The following NDST3 variants were observed in gnomAD, a reference collection of about 807,000 sequenced individuals.
NDST3 encodes bifunctional heparan sulfate N-deacetylase/N-sulfotransferase 3.
NDST3 carries 58 observed loss-of-function variants against 96.1 expected under a neutral mutation model. That is an observed-to-expected ratio of 0.60 (90% confidence interval 0.49 to 0.75). The LOEUF is 0.75. Among genes scored for constraint, NDST3 ranks in the 30% least tolerant of loss-of-function variants. The probability of loss-of-function intolerance (pLI) is 0.00; values close to 1 mark genes in which losing one functional copy is unlikely to be tolerated. For missense variants in NDST3, 788 were observed against 1,034.2 expected (o/e 0.76, Z 3.27); for synonymous variants, 333 against 359.7 (o/e 0.93, Z 0.84).
At chr4:118,246,588 A>T (rs1001227481) in intron 12 of NDST3, among the ~76,000 whole-genome samples, 13 of 152,154 alleles carry the variant, frequency 8.5e-5, no homozygotes, top group Admixed American at 5.2e-4. Context: ...CCTGGGGAAC[A>T]AGAGCGAAAC....
chr4:118,055,296 A>T (rs1053760227), intron 2 of NDST3: 22 of 231,684 alleles, frequency 9.5e-5, no homozygotes, highest in African/African-American at 4.9e-4. Context: ...TTCAAGAATT[A>T]CAGATCTCAT....
At chr4:118,221,934 C>T (rs1027807029) in intron 6 of NDST3, among the ~76,000 whole-genome samples, 1 of 151,060 alleles carries the variant, frequency 6.6e-6, no homozygotes, top group Non-Finnish European at 1.5e-5. Flanking sequence ...TGACACTTTC[C>T]ATCTCATTGG....
chr4:118,075,323 T>A (rs908986808), intron 2 of NDST3, among the ~76,000 whole-genome samples: 10 of 152,186 alleles, frequency 6.6e-5, no homozygotes, highest in Admixed American at 6.5e-4. Context: ...GTTGGTTCCA[T>A]GTCTTTGCTA....
At chr4:118,035,189 C>G (rs556925654) in intron 1 of NDST3, among the ~76,000 whole-genome samples, 18 of 152,122 alleles carry the variant, frequency 1.2e-4, no homozygotes, top group Non-Finnish European at 2.2e-4. Flanking sequence ...TACTCAGATC[C>G]TTTTTCAAAT....
rs1428957416 is a variant in NDST3 at position 118,256,815 on chromosome 4, G to A, written c.*1103G>A. ...ATAGTTCAAAATAAAATTATGTAAT[G>A]TAGTAGAGATTTATAACAAAAAACA... On this transcript the variant is annotated 3_prime_UTR_variant, in exon 14 of 14. Coordinates refer to ENST00000296499, the MANE Select transcript of NDST3 (RefSeq NM_004784.3). 6.6e-6 allele frequency: 1 copy of A among 152,176 alleles called. No homozygotes were observed. The highest frequency in any genetic ancestry group is 1.5e-5 in the Non-Finnish European group (1 of 68,026). 9.4% of individuals were successfully genotyped at this position (152,176 alleles called of 1,614,324 possible). A position where few individuals can be genotyped will look rare whatever the true frequency, so the allele number is the denominator to read the frequency against.
chr4:118,208,240 T>A (rs1048655626), intron 6 of NDST3, among the ~76,000 whole-genome samples: 2 of 144,364 alleles, frequency 1.4e-5, no homozygotes, highest in Non-Finnish European at 3.1e-5. Context: ...ACTTCTCACC[T>A]TTTATCCCCA....
chr4:118,140,504 C>G (rs1216721454), intron 5 of NDST3, among the ~76,000 whole-genome samples: 3 of 152,148 alleles, frequency 2.0e-5, no homozygotes, highest in South Asian at 2.1e-4. Flanking sequence ...ACTCTCTACT[C>G]TAATCTCTGG....
chr4:118,096,533 G>A (rs1325796965), intron 2 of NDST3, among the ~76,000 whole-genome samples: 1 of 151,772 alleles, frequency 6.6e-6, no homozygotes, highest in Admixed American at 6.6e-5. Flanking sequence ...CTAAAATTCT[G>A]TTGCATAATT....
Position 118,063,127 on chromosome 4 carries a change from T to C in NDST3, c.981+8236T>C, listed in dbSNP as rs1482432851. 4.8e-5 allele frequency among the ~76,000 whole-genome samples: 7 copies of C among 145,126 alleles called. No homozygotes were observed. The East Asian group carries it at 1.4e-3, about 30-fold the overall frequency. The stretch of plus-strand genomic sequence containing the variant: ...ATAGCTTGAACCCGGGAGGTGGAGG[T>C]TGCAGTGAGCCGAGATCTCACCATT... On this transcript the variant is annotated intron_variant, in intron 2 of 13. Coordinates refer to ENST00000296499, the MANE Select transcript of NDST3 (RefSeq NM_004784.3).
chr4:118,222,720 T>C (rs114480944), intron 6 of NDST3, among the ~76,000 whole-genome samples: 3,251 of 152,118 alleles, frequency 0.021, 105 homozygotes, highest in African/African-American at 0.074. Flanking sequence ...TTCAGTTTCA[T>C]GAAAAGCAAT....
At chr4:118,186,429 A>T (rs1044522930) in intron 6 of NDST3, among the ~76,000 whole-genome samples, 2 of 152,200 alleles carry the variant, frequency 1.3e-5, no homozygotes, top group Admixed American at 6.5e-5. Context: ...TCTGCAAGCC[A>T]AGGAGCAAGG....
chr4:118,069,820 T>C (rs1265017119), intron 2 of NDST3, among the ~76,000 whole-genome samples: 2 of 143,316 alleles, frequency 1.4e-5, no homozygotes, highest in East Asian at 4.2e-4. Flanking sequence ...TGACCAGTTA[T>C]TATTTTTCCT....
At chr4:118,090,246 T>C (rs1043609009) in intron 2 of NDST3, among the ~76,000 whole-genome samples, 27 of 151,988 alleles carry the variant, frequency 1.8e-4, no homozygotes, top group African/African-American at 6.5e-4. Context: ...TGATCCTACT[T>C]TTTTCACAAA....
intron 2 of NDST3, among the ~76,000 whole-genome samples, chr4:118,097,859 C>G (rs1241682314): frequency 6.6e-6 from 1 of 151,538 alleles, no homozygotes; most frequent in Non-Finnish European, 1.5e-5. Flanking sequence ...CATTCATGTT[C>G]CCATTCAATA....
intron 6 of NDST3, among the ~76,000 whole-genome samples, chr4:118,168,497 G>A (rs28826087): frequency 0.066 from 10,091 of 152,126 alleles, 733 homozygotes; most frequent in African/African-American, 0.18. Context: ...AGAATGTGGA[G>A]AAATTAGAAC....
At chr4:118,115,714 G>A (rs1731029726) in intron 4 of NDST3, among the ~76,000 whole-genome samples, 1 of 152,098 alleles carries the variant, frequency 6.6e-6, no homozygotes, top group African/African-American at 2.4e-5. Context: ...GAGTACCGAG[G>A]TACACTTACA....
intron 2 of NDST3, among the ~76,000 whole-genome samples, chr4:118,077,215 C>G (rs764322570): frequency 4.6e-5 from 7 of 152,152 alleles, no homozygotes; most frequent in Non-Finnish European, 7.3e-5. Flanking sequence ...GGGGTGCCAG[C>G]CAAAGTGCTT....
chr4:118,049,950 A>G (rs1724987255), intron 1 of NDST3, among the ~76,000 whole-genome samples: 1 of 152,168 alleles, frequency 6.6e-6, no homozygotes, highest in African/African-American at 2.4e-5. Context: ...ACTTAGGCCA[A>G]TATCTCCGAT....
In NDST3 at chr4:118,208,044, T is replaced by C. The variant is rs922121854; in HGVS notation, c.1540-16447T>C. ...AAGCTGATTTAGCTAGTTCCTAAGA[T>C]AATTTACTTTCAGAAAGTATAACCC... On this transcript the variant is annotated intron_variant, in intron 6 of 13. Transcript: ENST00000296499. Among the ~76,000 whole-genome samples the C allele has an allele frequency of 3.3e-4, 48 of 144,752 alleles. 6 individuals are homozygous for C. Among genetic ancestry groups the C allele is most frequent in the African/African-American group, 1.1e-3 (45 of 39,244 alleles). 95.0% of individuals were successfully genotyped at this position (144,752 alleles called of 152,430 possible).
Sources: gnomAD v4.1 joint callset for allele counts (sites outside exome capture counted in the v4.1 genomes callset) on GRCh38, gnomAD v4.1.1 for gene constraint, MANE v1.5 for transcripts, NCBI Gene and HGNC (gene_info 2026-07-23, HGNC 2026-07-21) for gene names.